Variants in MCHR2 observed in about 807,000 individuals in gnomAD.
MCHR2 encodes the protein melanin-concentrating hormone receptor 2.
MCHR2 carries 15 observed loss-of-function variants against 24.8 expected under a neutral mutation model. The ratio of observed to expected loss-of-function variants is 0.60; its 90% CI spans 0.40 to 0.93. MCHR2 has a LOEUF of 0.93. Ranked by LOEUF, MCHR2 falls within the 40% of genes least tolerant of loss-of-function variation. The pLI is 0.00. For synonymous variants in MCHR2, 151 were observed against 147.6 expected, an observed-to-expected ratio of 1.02 and a Z score of -0.17; for missense variants, 386 against 408.7, an observed-to-expected ratio of 0.94 and a Z score of 0.48.
chr6:99,985,684 G>C (rs1775756147), intron 1 of MCHR2, among the ~76,000 whole-genome samples: 1 of 152,068 alleles, frequency 6.6e-6, no homozygotes, highest in African/African-American at 2.4e-5. Context: ...ATGCAAAATT[G>C]ATTAGACTTA....
At chr6:99,958,484 T>G (rs1289764756) in intron 1 of MCHR2, among the ~76,000 whole-genome samples, 3 of 151,586 alleles carry the variant, frequency 2.0e-5, no homozygotes, top group Non-Finnish European at 4.4e-5. Context: ...AGTAAAAAAT[T>G]CCATAAACAA....
chr6:99,943,124 G>C lies in MCHR2; in HGVS notation c.412C>G (p.Pro138Ala). ...SVDRYFALVQ[P>A]FRLTRWRTRY... The stretch of plus-strand genomic sequence containing the variant: ...GTTCTCCAACGTGTCAGTCGAAATG[G>C]TTGGACGAGGGCAAAGTACCTGCAA... Residue 138 changes from proline (P) to alanine (A), a missense_variant, in exon 4 of 6, where the codon CCA becomes GCA. Physicochemically the swap from Pro to Ala is conservative, Grantham distance 27 (BLOSUM62 -1). Transcript: ENST00000281806. 6.2e-7 allele frequency: 1 copy of C among 1,609,942 alleles called. No homozygotes were observed. Among genetic ancestry groups the C allele is most frequent in the South Asian group, 1.1e-5 (1 of 90,414 alleles).
intron 5 of MCHR2, among the ~76,000 whole-genome samples, chr6:99,932,438 A>G (rs1404233211): frequency 6.6e-6 from 1 of 152,146 alleles, no homozygotes; most frequent in Non-Finnish European, 1.5e-5. Context: ...TCCCCTTTGA[A>G]GGTAGGCTAT....
At chr6:99,931,240 GC>G (rs1482575776) in intron 5 of MCHR2, among the ~76,000 whole-genome samples, 2 of 152,156 alleles carry the variant, frequency 1.3e-5, no homozygotes, top group African/African-American at 4.8e-5. Flanking sequence ...GTGTCAGTCT[GC>G]CCCTACTGGG....
intron 1 of MCHR2, among the ~76,000 whole-genome samples, chr6:99,966,600 CA>C (rs981920839): frequency 6.6e-6 from 1 of 152,142 alleles, no homozygotes; most frequent in African/African-American, 2.4e-5. Context: ...TTTGGTACTT[CA>C]CCGGTTCAGC....
chr6:99,989,488 C>A (rs1036171807), intron 1 of MCHR2, among the ~76,000 whole-genome samples: 1 of 152,122 alleles, frequency 6.6e-6, no homozygotes, highest in Non-Finnish European at 1.5e-5. Flanking sequence ...GAGGATATTG[C>A]TCAGGTTCCT....
chr6:99,977,785 T>C (rs1262384011), intron 1 of MCHR2, among the ~76,000 whole-genome samples: 3 of 152,176 alleles, frequency 2.0e-5, no homozygotes, highest in African/African-American at 7.2e-5. Flanking sequence ...TGAAATGTCA[T>C]GCTATTTCCT....
chr6:99,969,232 T>A (rs1343731494), intron 1 of MCHR2, among the ~76,000 whole-genome samples: 1 of 151,918 alleles, frequency 6.6e-6, no homozygotes, highest in Non-Finnish European at 1.5e-5. Flanking sequence ...TCCCAGCACT[T>A]TGGGAGGCTG....
At chr6:99,953,305 T>C (rs552803506) in intron 2 of MCHR2, among the ~76,000 whole-genome samples, 1 of 152,266 alleles carries the variant, frequency 6.6e-6, no homozygotes, top group Admixed American at 6.5e-5. Context: ...TAACACCTAA[T>C]AAGGACCTGG....
At chr6:99,971,095 G>A (rs977275259) in intron 1 of MCHR2, among the ~76,000 whole-genome samples, 1 of 152,154 alleles carries the variant, frequency 6.6e-6, no homozygotes, top group Non-Finnish European at 1.5e-5. Context: ...CCAATTCTGT[G>A]AAGAAAGTCA....
intron 4 of MCHR2, among the ~76,000 whole-genome samples, chr6:99,941,462 A>G (rs565325845): frequency 2.6e-5 from 4 of 152,172 alleles, no homozygotes; most frequent in African/African-American, 9.6e-5. Flanking sequence ...TTGCACTGTT[A>G]TGTCCCAAAT....
intron 5 of MCHR2, among the ~76,000 whole-genome samples, chr6:99,922,802 T>C (rs116512856): frequency 0.02 from 3,076 of 152,290 alleles, 113 homozygotes; most frequent in African/African-American, 0.071. Context: ...AGATCTGTAG[T>C]ATTATTTGAA....
At chr6:99,970,843 G>C (rs559254444) in intron 1 of MCHR2, among the ~76,000 whole-genome samples, 5 of 152,008 alleles carry the variant, frequency 3.3e-5, no homozygotes, top group South Asian at 2.1e-4. Context: ...GCTTGTTTTT[G>C]TCAGGTTTGT....
intron 4 of MCHR2, among the ~76,000 whole-genome samples, chr6:99,938,712 G>C (rs1209688288): frequency 1.3e-5 from 2 of 151,996 alleles, no homozygotes; most frequent in African/African-American, 4.8e-5. Flanking sequence ...ATTAGGTCTA[G>C]TGTGTAGTTT....
intron 4 of MCHR2, among the ~76,000 whole-genome samples, chr6:99,938,732 G>T (rs752395640): frequency 6.6e-6 from 1 of 151,972 alleles, no homozygotes; most frequent in African/African-American, 2.4e-5. Context: ...TAATTCTGCC[G>T]TTTCTTTGTT....
intron 5 of MCHR2, among the ~76,000 whole-genome samples, chr6:99,922,476 T>C (rs556943939): frequency 6.6e-6 from 1 of 152,322 alleles, no homozygotes; most frequent in South Asian, 2.1e-4. Flanking sequence ...ACCAATGTCC[T>C]GGAGATTTTC....
At chr6:99,988,095 A>G (rs1484669369) in intron 1 of MCHR2, among the ~76,000 whole-genome samples, 3 of 152,174 alleles carry the variant, frequency 2.0e-5, no homozygotes, top group Non-Finnish European at 4.4e-5. Flanking sequence ...TTGGTTCTCT[A>G]TGGCTGGTGT....
At chr6:99,959,907 A>G (rs1423926687) in intron 1 of MCHR2, among the ~76,000 whole-genome samples, 2 of 151,684 alleles carry the variant, frequency 1.3e-5, no homozygotes, top group Non-Finnish European at 2.9e-5. Context: ...ATCCATATAC[A>G]TGTTATGGGC....
intron 5 of MCHR2, among the ~76,000 whole-genome samples, chr6:99,929,915 T>G (rs1448240035): frequency 1.3e-5 from 2 of 150,526 alleles, no homozygotes; most frequent in Non-Finnish European, 3.0e-5. Flanking sequence ...CGTTAGTTGA[T>G]GCAGTTTCTT....
Sources: allele counts gnomAD v4.1 joint callset (sites outside exome capture counted in the v4.1 genomes callset), GRCh38; gene constraint gnomAD v4.1.1; transcripts MANE v1.5; gene names NCBI Gene and HGNC (gene_info 2026-07-23, HGNC 2026-07-21).